The following SOD2 variants were observed in gnomAD, a reference collection of about 807,000 sequenced individuals.
SOD2 encodes the protein superoxide dismutase [Mn], mitochondrial.
In SOD2, 11 loss-of-function variants were observed where a neutral mutation model predicts 27.0. The observed-to-expected ratio is 0.41, with a 90% CI of 0.26 to 0.67. SOD2 has a LOEUF of 0.67. Among genes scored for constraint, SOD2 ranks in the 30% least tolerant of loss-of-function variants. The pLI is 0.34. For synonymous variants in SOD2, 105 were observed against 103.0 expected, an observed-to-expected ratio of 1.02 and a Z score of -0.12; for missense variants, 250 against 274.5, an observed-to-expected ratio of 0.91 and a Z score of 0.63.
At chr6:159,726,097 G>T (rs2114845481) in intron 1 of SOD2, 1 of 152,414 alleles carries the variant, frequency 6.6e-6, no homozygotes, top group South Asian at 2.1e-4. Flanking sequence ...GTTAGGGTTA[G>T]AAGTATAACT....
rs1336683564 is a variant in SOD2, at chr6:159,677,685, A to T, written c.*4808T>A. 6.6e-6 allele frequency: 1 copy of T among 152,226 alleles called. No individual in the cohort carries two copies. Among genetic ancestry groups the T allele is most frequent in the Admixed American group, 6.5e-5 (1 of 15,286 alleles). 9.4% of individuals were successfully genotyped at this position (152,226 alleles called of 1,614,324 possible). Reference sequence around the variant, plus strand: ...CACCCAGGCTGGAGTGCAGTAGCACAATCATAGCTCACTACAGCTGCAAAC... The same window carrying T: ...CACCCAGGCTGGAGTGCAGTAGCACTATCATAGCTCACTACAGCTGCAAAC... On this transcript the variant is annotated 3_prime_UTR_variant, in exon 5 of 5. Coordinates refer to ENST00000538183, the MANE Select transcript of SOD2 (RefSeq NM_000636.4).
chr6:159,708,034 C>T (rs1482838120), intron 1 of SOD2, among the ~76,000 whole-genome samples: 16 of 152,230 alleles, frequency 1.1e-4, no homozygotes, highest in East Asian at 9.7e-4. Flanking sequence ...ATTATCTCAA[C>T]AGATGCAGAA....
chr6:159,738,276 T>C (rs1445127822), intron 1 of SOD2, among the ~76,000 whole-genome samples: 2 of 152,240 alleles, frequency 1.3e-5, no homozygotes, highest in Non-Finnish European at 2.9e-5. Flanking sequence ...CAACCACTAA[T>C]TTATCTCCAT....
exon 1 of SOD2, chr6:159,762,085 A>C: frequency 6.2e-7 from 1 of 1,613,000 alleles, no homozygotes; most frequent in Non-Finnish European, 8.5e-7. Context: ...CAGGAGAAGC[A>C]AGATGAATGC....
At chr6:159,683,342 T>G (rs1166660375) in intron 4 of SOD2, among the ~76,000 whole-genome samples, 3 of 151,900 alleles carry the variant, frequency 2.0e-5, no homozygotes, top group Non-Finnish European at 2.9e-5. Context: ...AAAATTAGCC[T>G]GGCGAGGTGG....
chr6:159,744,172 C>T (rs1196288191), intron 1 of SOD2, among the ~76,000 whole-genome samples: 2 of 152,136 alleles, frequency 1.3e-5, no homozygotes, highest in African/African-American at 4.8e-5. Context: ...CTCTTGTCCC[C>T]TCTGTGTATA....
intron 1 of SOD2, among the ~76,000 whole-genome samples, chr6:159,751,740 A>G (rs187476708): frequency 7.2e-4 from 109 of 152,346 alleles, no homozygotes; most frequent in Admixed American, 3.3e-3. Context: ...AAGCTTAATT[A>G]CAAACTTTTC....
chr6:159,745,980 G>A (rs1470984885), upstream of SOD2, among the ~76,000 whole-genome samples: 1 of 152,172 alleles, frequency 6.6e-6, no homozygotes, highest in African/African-American at 2.4e-5. Flanking sequence ...GAGTAACGAT[G>A]CTACTAGGAT....
exon 1 of SOD2, chr6:159,762,156 G>A (rs752670907): frequency 3.1e-6 from 5 of 1,608,394 alleles, no homozygotes; most frequent in Non-Finnish European, 4.2e-6. Context: ...AGTGGCCGGC[G>A]GGAGCCGCGC....
intron 3 of SOD2, 77 bp from the exon 4 acceptor site, chr6:159,685,110 A>G: frequency 1.9e-6 from 2 of 1,041,122 alleles, no homozygotes; most frequent in Non-Finnish European, 2.6e-6. Flanking sequence ...TATTACATGT[A>G]TTAAAATATT....
At chr6:159,727,668 C>A, upstream of SOD2, 11 of 984,688 alleles carry the variant, frequency 1.1e-5, no homozygotes, top group Non-Finnish European at 1.2e-5. Flanking sequence ...TCGGCCTATG[C>A]GACCGGTGGC....
At position 159,692,861 on chromosome 6, in the gene SOD2, G is replaced by A. The variant is rs772998028; in HGVS notation, c.26C>T (p.Thr9Ile). ...CAAAACCGGAGCCAGCTGCCTGCTG[G>A]TGCTGAAGACGAGAAAGCACAGCCC... MLSRAVCGTSRQLAPVLGY... is the reference protein window; with the variant it reads MLSRAVCGISRQLAPVLGY... Residue 9 changes from threonine to isoleucine, a missense_variant and splice_region_variant, in exon 2 of 5, where the codon ACC (threonine) becomes ATC (isoleucine). Transcript: ENST00000538183. 6.2e-7 allele frequency: 1 copy of A among 1,604,036 alleles called. No homozygotes were observed. Among genetic ancestry groups the A allele is most frequent in the Non-Finnish European group, 8.5e-7 (1 of 1,176,158 alleles).
rs1214265181 is a variant in SOD2, at chr6:159,709,674, G to C, written c.-115-16811C>G. Among the ~76,000 whole-genome samples the C allele has an allele frequency of 5.3e-5, 8 of 152,266 alleles. No individual in the cohort carries two copies. The East Asian group carries it at 7.7e-4, about 15-fold the overall frequency. ...ACACTTTTACACTGTTGGTGGGACT[G>C]TAAACTAGTTCAACCATTGTGGAAG... On this transcript the variant is annotated intron_variant, in intron 1 of 2. Transcript: ENST00000401980.
At chr6:159,699,457 G>C (rs984536198) in intron 1 of SOD2, among the ~76,000 whole-genome samples, 9 of 151,984 alleles carry the variant, frequency 5.9e-5, no homozygotes, top group African/African-American at 2.2e-4. Context: ...CATATTGAGA[G>C]TCCGGCAGAG....
intron 1 of SOD2, among the ~76,000 whole-genome samples, chr6:159,733,936 GAGAA>G: frequency 6.6e-6 from 1 of 152,254 alleles, no homozygotes; most frequent in Non-Finnish European, 1.5e-5. Flanking sequence ...AGATTAAACA[GAGAA>G]AGAAGCAAGC....
chr6:159,751,639 C>T (rs1049005219), intron 1 of SOD2, among the ~76,000 whole-genome samples: 1 of 152,230 alleles, frequency 6.6e-6, no homozygotes. Flanking sequence ...AAGAATAAAG[C>T]CTTTACCACA....
At position 159,682,587 on chromosome 6, in the gene SOD2, T is replaced by C. The variant is rs1264525329; in HGVS notation, c.575A>G (p.Gln192Arg). 1 of 1,613,962 alleles carries C rather than the reference T, an allele frequency of 6.2e-7. No homozygotes were observed. Among genetic ancestry groups the C allele is most frequent in the South Asian group, 1.1e-5 (1 of 91,064 alleles). ...IDVWEHAYYL[Q>R]YKNVRPDYLK... ...ATAATCAGGCCTGACATTTTTATACTGAAGGTAGTAAGCGTGCTCCCACAC... is the reference window on the plus strand; with the variant it reads ...ATAATCAGGCCTGACATTTTTATACCGAAGGTAGTAAGCGTGCTCCCACAC... Residue 192 changes from glutamine to arginine, a missense_variant, in exon 5 of 5, where the codon CAG becomes CGG. Gln to Arg is a conservative substitution (Grantham distance 43, BLOSUM62 1). Transcript: ENST00000538183.
At chr6:159,692,897 C>A (rs778013190) in intron 1 of SOD2, 34 bp from the exon 2 acceptor site, 5 of 1,531,720 alleles carry the variant, frequency 3.3e-6, no homozygotes, top group Non-Finnish European at 2.6e-6. Flanking sequence ...GGTCAGTCAG[C>A]GCCGCGGGAC....
chr6:159,743,065 T>A (rs1468032175), intron 1 of SOD2, among the ~76,000 whole-genome samples: 2 of 152,246 alleles, frequency 1.3e-5, no homozygotes, highest in Non-Finnish European at 2.9e-5. Flanking sequence ...TTTGTTTGTT[T>A]GAGACAGGGT....
Sources: allele counts gnomAD v4.1 joint callset (sites outside exome capture counted in the v4.1 genomes callset), GRCh38; gene constraint gnomAD v4.1.1; transcripts MANE v1.5; gene names NCBI Gene and HGNC (gene_info 2026-07-23, HGNC 2026-07-21).